GNB4: variants seen among roughly 807,000 people sequenced by gnomAD.
The protein encoded by GNB4 is G protein subunit beta 4.
GNB4 carries 28 observed loss-of-function variants against 45.2 expected under a neutral mutation model. The observed-to-expected ratio is 0.62, with a 90% confidence interval of 0.46 to 0.85. GNB4 has a LOEUF of 0.85. Ranked by LOEUF, GNB4 falls within the 40% of genes least tolerant of loss-of-function variation. The pLI is 0.00. For synonymous variants in GNB4, 132 were observed against 143.7 expected, an observed-to-expected ratio of 0.92 and a Z score of 0.58; for missense variants, 321 against 425.4, an observed-to-expected ratio of 0.75 and a Z score of 2.16.
chr3:179,469,565 A>C, the GNB4 span, among the ~76,000 whole-genome samples: 1 of 152,236 alleles, frequency 6.6e-6, no homozygotes, highest in East Asian at 1.9e-4. Flanking sequence ...AATAAGATGC[A>C]GACTAAGTTC....
the GNB4 span, among the ~76,000 whole-genome samples, chr3:179,526,598 C>G: frequency 6.6e-6 from 1 of 152,276 alleles, no homozygotes; most frequent in Non-Finnish European, 1.5e-5. Flanking sequence ...GTCTGCTTAC[C>G]TCTCTCCTGT....
intron 5 of GNB4, among the ~76,000 whole-genome samples, chr3:179,415,274 T>C (rs576708800): frequency 9.2e-5 from 14 of 152,312 alleles, no homozygotes; most frequent in African/African-American, 3.4e-4. Flanking sequence ...CAAAAAGTGC[T>C]CTTTTTGGAA....
chr3:179,427,281 TTTAC>T (rs1165699302), intron 1 of GNB4, among the ~76,000 whole-genome samples: 1 of 152,034 alleles, frequency 6.6e-6, no homozygotes, highest in East Asian at 1.9e-4. Context: ...TCAGCATGTA[TTTAC>T]TTACTTGTGA....
rs550066098 is a variant in GNB4, at chr3:179,403,122, G to GCAGA, written c.917-1807_917-1804dup. Among the ~76,000 whole-genome samples the GCAGA allele has an allele frequency of 2.2e-4, 33 of 152,262 alleles. 1 individual carries two copies. In the South Asian group the frequency reaches 6.6e-3, roughly 31 times the overall value. ...TGGAAAAAGGAAGAAAGGCAGAAAG[G>GCAGA]CAGACACAGCAAAGCTTCCTCAGTG... On this transcript the variant is annotated intron_variant, in intron 9 of 9. Transcript: ENST00000232564.
rs1715145045 is a variant in GNB4, at chr3:179,426,250, A to G, written c.-42-8T>C. On this transcript the variant is annotated splice_polypyrimidine_tract_variant and splice_region_variant and intron_variant, in intron 1 of 9. Coordinates refer to ENST00000232564, the MANE Select transcript of GNB4 (RefSeq NM_021629.4). Reference sequence around the variant, plus strand: ...GCTAATGAGTGAAAACAGCTGTTAAAAAACAGAGAGCAAGAGAAAGATTCA... The same window carrying G: ...GCTAATGAGTGAAAACAGCTGTTAAGAAACAGAGAGCAAGAGAAAGATTCA... The G allele has an allele frequency of 7.4e-7, 1 of 1,354,254 alleles. No individual in the cohort carries two copies. The highest frequency in any genetic ancestry group is 2.3e-5 in the Admixed American group (1 of 43,890). 83.9% of individuals were successfully genotyped at this position (1,354,254 alleles called of 1,614,324 possible).
chr3:179,427,387 T>C lies in GNB4; in HGVS notation c.-42-1145A>G, dbSNP rs1402123430. ...TGGGAGGCTGAGGTGGGTGCATCGCTTGAGGCCAGGAGTTCAAGACCAGCC... is the reference window on the plus strand; with the variant it reads ...TGGGAGGCTGAGGTGGGTGCATCGCCTGAGGCCAGGAGTTCAAGACCAGCC... On this transcript the variant is annotated intron_variant, in intron 1 of 9. Coordinates refer to ENST00000232564, the MANE Select transcript of GNB4 (RefSeq NM_021629.4). 2.6e-5 allele frequency among the ~76,000 whole-genome samples: 4 copies of C among 151,980 alleles called. No individual in the cohort carries two copies. The East Asian group carries it at 7.8e-4, about 29-fold the overall frequency.
In GNB4 at chr3:179,443,067, A is replaced by G. The variant is rs1329837616; in HGVS notation, c.-43+8279T>C. 3.3e-5 allele frequency among the ~76,000 whole-genome samples: 5 copies of G among 152,348 alleles called. No homozygotes were observed. In the East Asian group the frequency reaches 5.8e-4, roughly 18 times the overall value. On this transcript the variant is annotated intron_variant, in intron 1 of 9. Transcript: ENST00000232564. ...ATCAATCCCACCATTAAAGGGTTAG[A>G]ATATGACAACTGGGGATATCAGAAT...
chr3:179,440,866 T>C (rs992572240), intron 1 of GNB4, among the ~76,000 whole-genome samples: 16 of 129,378 alleles, frequency 1.2e-4, no homozygotes, highest in African/African-American at 3.8e-4. Context: ...AAAATTCCTA[T>C]ATATATAGAT....
chr3:179,454,311 A>C (rs1248706933), upstream of GNB4, among the ~76,000 whole-genome samples: 4 of 152,204 alleles, frequency 2.6e-5, no homozygotes, highest in Non-Finnish European at 5.9e-5. Context: ...ATAGTGTTTA[A>C]CAGAGCACCT....
the GNB4 span, among the ~76,000 whole-genome samples, chr3:179,456,654 A>G: frequency 2.0e-5 from 3 of 152,210 alleles, no homozygotes; most frequent in African/African-American, 4.8e-5. Context: ...AATTATCATT[A>G]TAATCAGAAC....
intron 9 of GNB4, among the ~76,000 whole-genome samples, chr3:179,402,878 C>T (rs1309369444): frequency 6.6e-6 from 1 of 152,186 alleles, no homozygotes; most frequent in African/African-American, 2.4e-5. Flanking sequence ...GGTGACAGAT[C>T]ATCCTGCGCT....
chr3:179,434,647 G>A (rs1178782652), intron 1 of GNB4, among the ~76,000 whole-genome samples: 2 of 151,748 alleles, frequency 1.3e-5, no homozygotes, highest in Admixed American at 6.6e-5. Context: ...CTTGAACCTC[G>A]GAGGCAGAGG....
At chr3:179,468,706 C>G in the GNB4 span, among the ~76,000 whole-genome samples, 1 of 152,070 alleles carries the variant, frequency 6.6e-6, no homozygotes, top group African/African-American at 2.4e-5. Flanking sequence ...TATAGCAGGC[C>G]CTGAAAGATC....
At chr3:179,468,035 A>AAAAAATAT in the GNB4 span, among the ~76,000 whole-genome samples, 1 of 89,856 alleles carries the variant, frequency 1.1e-5, no homozygotes, top group African/African-American at 4.0e-5. Flanking sequence ...TGTTGATAAA[A>AAAAAATAT]ATATATATAT....
intron 8 of GNB4, among the ~76,000 whole-genome samples, chr3:179,407,107 A>C (rs543114578): frequency 6.6e-6 from 1 of 152,208 alleles, no homozygotes; most frequent in African/African-American, 2.4e-5. Context: ...AAAATATATA[A>C]AACATGGTTC....
chr3:179,401,196 A>C lies in GNB4; in HGVS notation c.*17T>G. The C allele has an allele frequency of 6.4e-7, 1 of 1,563,902 alleles. No homozygotes were observed. The highest frequency in any genetic ancestry group is 8.8e-7 in the Non-Finnish European group (1 of 1,136,890). On this transcript the variant is annotated 3_prime_UTR_variant, in exon 10 of 10. Transcript: ENST00000232564. ...TTCTCCAGATATATCAATGGAGAAC[A>C]AATATGTATGACACTGTTAATTCCA...
At chr3:179,495,333 C>T in the GNB4 span, among the ~76,000 whole-genome samples, 1 of 151,736 alleles carries the variant, frequency 6.6e-6, no homozygotes, top group Admixed American at 6.6e-5. Context: ...AAAAATTAGC[C>T]AGGTATGGTG....
At chr3:179,519,093 T>C in the GNB4 span, among the ~76,000 whole-genome samples, 1 of 152,210 alleles carries the variant, frequency 6.6e-6, no homozygotes, top group Non-Finnish European at 1.5e-5. Flanking sequence ...TAAACCGCAG[T>C]GGCCAGGCAT....
At chr3:179,458,845 C>T in the GNB4 span, among the ~76,000 whole-genome samples, 1 of 152,076 alleles carries the variant, frequency 6.6e-6, no homozygotes, top group African/African-American at 2.4e-5. Context: ...CTAACTATAT[C>T]TGAAAATAGA....
Sources: gnomAD v4.1 joint callset for allele counts (sites outside exome capture counted in the v4.1 genomes callset) on GRCh38, gnomAD v4.1.1 for gene constraint, MANE v1.5 for transcripts, NCBI Gene and HGNC (gene_info 2026-07-23, HGNC 2026-07-21) for gene names.